The following TP63 variants were observed in gnomAD, a reference collection of about 807,000 sequenced individuals.
TP63 encodes the protein tumor protein 63.
TP63 carries 17 observed loss-of-function variants against 82.8 expected under a neutral mutation model. The observed-to-expected ratio is 0.21, with a 90% confidence interval of 0.14 to 0.31. TP63 has a LOEUF of 0.31. TP63 is among the 10% of genes least tolerant of loss of function. TP63 has a pLI of 1.00. For synonymous variants in TP63, 330 were observed against 321.7 expected (o/e 1.03, Z -0.28); for missense variants, 648 against 895.3 (o/e 0.72, Z 3.52).
In TP63 at chr3:189,678,676, G is replaced by A. The variant is rs549675547; in HGVS notation, c.62+47099G>A. ...TTCAATCTGTAGATTGTTTTGGGCC[G>A]TATGGTCATATCAATGATATTGATT... On this transcript the variant is annotated intron_variant, in intron 1 of 13. Transcript: ENST00000264731. Among the ~76,000 whole-genome samples, 16 of 152,014 alleles carry A rather than the reference G, an allele frequency of 1.1e-4. No homozygotes were observed. The Middle Eastern group carries it at 0.01, about 97-fold the overall frequency.
At chr3:189,829,972 G>A in intron 4 of TP63, 1 of 326,338 alleles carries the variant, frequency 3.1e-6, no homozygotes, top group Non-Finnish European at 6.4e-6. Context: ...ATTGTATAAA[G>A]AGAAATTATT....
chr3:189,597,833 TAGG>T, the TP63 span, among the ~76,000 whole-genome samples: 2 of 151,734 alleles, frequency 1.3e-5, no homozygotes, highest in African/African-American at 4.8e-5. Context: ...CAGGCTGAGT[TAGG>T]AGGATCACCT....
At chr3:189,675,010 A>G (rs1330969458) in intron 1 of TP63, among the ~76,000 whole-genome samples, 1 of 152,128 alleles carries the variant, frequency 6.6e-6, no homozygotes, top group African/African-American at 2.4e-5. Context: ...TCAACTAGTT[A>G]GCTTATAGAC....
At chr3:189,815,583 G>T (rs1560213106) in intron 4 of TP63, among the ~76,000 whole-genome samples, 1 of 152,058 alleles carries the variant, frequency 6.6e-6, no homozygotes, top group African/African-American at 2.4e-5. Flanking sequence ...GGGTTTGCAT[G>T]TAATATCTTC....
At chr3:189,670,170 A>C (rs891324068) in intron 1 of TP63, among the ~76,000 whole-genome samples, 2 of 152,044 alleles carry the variant, frequency 1.3e-5, no homozygotes, top group Non-Finnish European at 1.5e-5. Flanking sequence ...GAGATTTTTA[A>C]AAAGAAGAAT....
intron 3 of TP63, among the ~76,000 whole-genome samples, chr3:189,803,893 C>G: frequency 6.6e-6 from 1 of 152,150 alleles, no homozygotes; most frequent in East Asian, 1.9e-4. Context: ...AAGAATACTG[C>G]CTCTTTTTTC....
intron 3 of TP63, among the ~76,000 whole-genome samples, chr3:189,786,862 G>A (rs1236205772): frequency 1.3e-5 from 2 of 152,024 alleles, no homozygotes; most frequent in African/African-American, 4.8e-5. Flanking sequence ...CCACTAGGTG[G>A]TTAGAAAATT....
chr3:189,612,897 A>T, the TP63 span, among the ~76,000 whole-genome samples: 1 of 152,174 alleles, frequency 6.6e-6, no homozygotes. Flanking sequence ...ACTTGAGAAA[A>T]ACAATTTAGG....
intron 1 of TP63, among the ~76,000 whole-genome samples, chr3:189,724,905 A>G (rs1259787522): frequency 6.6e-6 from 1 of 152,222 alleles, no homozygotes; most frequent in African/African-American, 2.4e-5. Flanking sequence ...CTAACAATCA[A>G]CATGTAAATA....
chr3:189,723,384 G>A (rs11711225), intron 1 of TP63, among the ~76,000 whole-genome samples: 80,687 of 152,038 alleles, frequency 0.53, 21,633 homozygotes, highest in Middle Eastern at 0.66. Context: ...ATGGGTTCAT[G>A]TTGGTATCTA....
the TP63 span, among the ~76,000 whole-genome samples, chr3:189,620,339 A>G: frequency 3.3e-5 from 5 of 152,060 alleles, no homozygotes; most frequent in East Asian, 5.8e-4. Flanking sequence ...CCTGAACAAC[A>G]TGGTGAAACC....
chr3:189,809,536 A>G (rs1727303823), intron 4 of TP63, among the ~76,000 whole-genome samples: 1 of 152,238 alleles, frequency 6.6e-6, no homozygotes, highest in Non-Finnish European at 1.5e-5. Flanking sequence ...CCAAAGTGGT[A>G]TGTTTGTCAA....
chr3:189,797,432 A>G (rs530312762), intron 3 of TP63, among the ~76,000 whole-genome samples: 4 of 152,140 alleles, frequency 2.6e-5, no homozygotes, highest in Admixed American at 2.0e-4. Context: ...CAAAGGGGCC[A>G]TTTCCCACCC....
At chr3:189,727,562 A>G (rs1048338436) in intron 1 of TP63, among the ~76,000 whole-genome samples, 3 of 152,174 alleles carry the variant, frequency 2.0e-5, no homozygotes, top group Non-Finnish European at 4.4e-5. Context: ...AAGAAGTTCT[A>G]CTTTTTCTTT....
At chr3:189,678,610 A>G (rs1715650409) in intron 1 of TP63, among the ~76,000 whole-genome samples, 1 of 151,938 alleles carries the variant, frequency 6.6e-6, no homozygotes, top group South Asian at 2.1e-4. Flanking sequence ...GTTTTTTCTA[A>G]TTCTGTGAAA....
At chr3:189,788,800 CT>C (rs1445370110) in intron 3 of TP63, among the ~76,000 whole-genome samples, 1 of 151,866 alleles carries the variant, frequency 6.6e-6, no homozygotes, top group Non-Finnish European at 1.5e-5. Flanking sequence ...TGCTTTAATA[CT>C]TATTCCACTA....
At chr3:189,726,629 C>T (rs1560138201) in intron 1 of TP63, among the ~76,000 whole-genome samples, 1 of 152,186 alleles carries the variant, frequency 6.6e-6, no homozygotes, top group African/African-American at 2.4e-5. Flanking sequence ...TGAACAGTTA[C>T]AATAAAAAAA....
chr3:189,743,363 G>C (rs1043840017), intron 3 of TP63, among the ~76,000 whole-genome samples: 2 of 152,118 alleles, frequency 1.3e-5, no homozygotes, highest in African/African-American at 4.8e-5. Flanking sequence ...TATGAGAGTA[G>C]AAATCGAAAT....
At chr3:189,743,164 G>T (rs62279903) in intron 3 of TP63, among the ~76,000 whole-genome samples, 1 of 151,974 alleles carries the variant, frequency 6.6e-6, no homozygotes, top group Admixed American at 6.6e-5. Flanking sequence ...ATTGGAAAAA[G>T]ATATAGGTAA....
Sources: allele counts gnomAD v4.1 joint callset (sites outside exome capture counted in the v4.1 genomes callset), GRCh38; gene constraint gnomAD v4.1.1; transcripts MANE v1.5; gene names NCBI Gene and HGNC (gene_info 2026-07-23, HGNC 2026-07-21).